The following DYSF variants were observed in gnomAD, a reference collection of about 807,000 sequenced individuals.
DYSF encodes dysferlin.
In DYSF, 212 loss-of-function variants were observed where a neutral mutation model predicts 274.9. The observed-to-expected ratio is 0.77, with a 90% CI of 0.69 to 0.86. The LOEUF (loss-of-function observed/expected upper bound fraction) is 0.86, where lower values mean the gene tolerates loss of function less well. DYSF is among the 40% of genes least tolerant of loss of function. DYSF has a pLI of 0.00. For synonymous variants in DYSF, 1,091 were observed against 1,078.7 expected (o/e 1.01, Z -0.22); for missense variants, 2,666 against 2,783.2 (o/e 0.96, Z 0.95).
At chr2:71,511,283 G>A (rs2086066030) in intron 4 of DYSF, among the ~76,000 whole-genome samples, 1 of 152,262 alleles carries the variant, frequency 6.6e-6, no homozygotes, top group Non-Finnish European at 1.5e-5. Context: ...CCCTCTCAGT[G>A]CTAGCTGCAG....
In DYSF at chr2:71,551,676, C is replaced by A. The variant is rs886042633; in HGVS notation, c.1762C>A (p.Gln588Lys). The change falls in exon 19 of 56, where the codon CAG becomes AAG. Residue 588 changes from glutamine to lysine, a missense_variant. Coordinates refer to ENST00000410020, the MANE Select transcript of DYSF (RefSeq NM_001130987.2). ...GACCAAGCTGGTGGAGCACAGTGAA[C>A]AGAAGGTGGAGGACCTTCCTGCGGA... ...LETKLVEHSE[Q>K]KVEDLPADDI... 1.2e-6 allele frequency: 2 copies of A among 1,611,024 alleles called. No individual in the cohort carries two copies. The highest frequency in any genetic ancestry group is 2.7e-5 in the African/African-American group (2 of 74,896).
At chr2:71,463,362 CA>C (rs991754105), upstream of DYSF, among the ~76,000 whole-genome samples, 14 of 152,256 alleles carry the variant, frequency 9.2e-5, no homozygotes, top group Admixed American at 5.9e-4. Flanking sequence ...TCTGAGCCTG[CA>C]AGCTTCCTGG....
At chr2:71,563,778 T>C (rs908432427) in intron 23 of DYSF, among the ~76,000 whole-genome samples, 2 of 152,230 alleles carry the variant, frequency 1.3e-5, no homozygotes, top group Non-Finnish European at 2.9e-5. Flanking sequence ...GGAGTGTCTC[T>C]TCCCAGAAGG....
chr2:71,509,602 C>T (rs2152725956), intron 4 of DYSF, among the ~76,000 whole-genome samples: 1 of 152,192 alleles, frequency 6.6e-6, no homozygotes, highest in African/African-American at 2.4e-5. Flanking sequence ...TTTCTCCTCT[C>T]CTATTTATTT....
At chr2:71,576,627 T>G (rs1473371453) in intron 30 of DYSF, among the ~76,000 whole-genome samples, 1 of 152,126 alleles carries the variant, frequency 6.6e-6, no homozygotes, top group African/African-American at 2.4e-5. Flanking sequence ...GGTGAAGTGC[T>G]GTGTGAGGGA....
At chr2:71,480,450 A>T (rs1245390897) in intron 1 of DYSF, among the ~76,000 whole-genome samples, 1 of 152,042 alleles carries the variant, frequency 6.6e-6, no homozygotes, top group Admixed American at 6.6e-5. Context: ...GCTACTCAAG[A>T]GCCTGAGGTG....
intron 41 of DYSF, among the ~76,000 whole-genome samples, chr2:71,635,808 C>A (rs1325065810): frequency 6.7e-6 from 1 of 149,916 alleles, no homozygotes; most frequent in Non-Finnish European, 1.5e-5. Context: ...GCTCTGCCTT[C>A]ATGGAGAAGG....
chr2:71,486,511 G>A (rs1475674892), intron 3 of DYSF, among the ~76,000 whole-genome samples: 2 of 152,000 alleles, frequency 1.3e-5, no homozygotes, highest in African/African-American at 2.4e-5. Flanking sequence ...GGGGCATTTG[G>A]CATTTCTGGG....
chr2:71,543,794 T>A (rs1288103853), intron 17 of DYSF, among the ~76,000 whole-genome samples: 1 of 151,730 alleles, frequency 6.6e-6, no homozygotes, highest in Middle Eastern at 3.2e-3. Context: ...GAGGTTGCAG[T>A]GAGCAGAGAT....
At position 71,564,304 on chromosome 2, in the gene DYSF, CTA is replaced by C. The variant is rs761674954; in HGVS notation, c.2565+93_2565+94del. The C allele has an allele frequency of 1.1e-4, 175 of 1,545,710 alleles. 1 individual carries two copies. Among genetic ancestry groups the C allele is most frequent in the Non-Finnish European group, 1.4e-4 (153 of 1,121,082 alleles). On this transcript the variant is annotated intron_variant, in intron 24 of 55. Coordinates refer to ENST00000410020, the MANE Select transcript of DYSF (RefSeq NM_001130987.2). ...TTCTGTTTCCCCTCCTGTTCTTGACCTATCTTAGTTCTTAGGCTGTGGTCTTG... is the reference window on the plus strand; with the variant it reads ...TTCTGTTTCCCCTCCTGTTCTTGACCTCTTAGTTCTTAGGCTGTGGTCTTG...
At position 71,681,100 on chromosome 2, in the gene DYSF, G is replaced by A; in HGVS notation, c.6163G>A (p.Glu2055Lys). ...RDEPNMNPKL[E>K]DPRRPDTSFL... ...TGAGCCCAACATGAACCCTAAGCTTGAGGACCCAAGGTCAGTGCCCAGCCC... is the reference window on the plus strand; with the variant it reads ...TGAGCCCAACATGAACCCTAAGCTTAAGGACCCAAGGTCAGTGCCCAGCCC... Residue 2055 changes from glutamate to lysine, a missense_variant, in exon 54 of 56, where the codon GAG (glutamate) becomes AAG (lysine). Physicochemically the swap from Glu to Lys is moderately conservative, Grantham distance 56. Transcript: ENST00000410020. 1 of 1,614,000 alleles carries A rather than the reference G, an allele frequency of 6.2e-7. No homozygotes were observed. The highest frequency in any genetic ancestry group is 8.5e-7 in the Non-Finnish European group (1 of 1,180,020).
chr2:71,582,106 CAAAAAAAAAAAAAA>C (rs1159294834), intron 30 of DYSF, among the ~76,000 whole-genome samples: 1 of 35,118 alleles, frequency 2.8e-5, no homozygotes, highest in Non-Finnish European at 5.6e-5. Flanking sequence ...GACTCCGTCT[CAAAAAAAAAAAAAA>C]AAAAAAAAAA....
intron 17 of DYSF, among the ~76,000 whole-genome samples, chr2:71,540,104 C>CTT (rs1240221196): frequency 2.0e-4 from 30 of 146,458 alleles, no homozygotes; most frequent in African/African-American, 7.5e-4. Flanking sequence ...AAGATTTCAA[C>CTT]TTTTTTTTTC....
At chr2:71,454,119 G>C (rs1488743318) in intron 1 of DYSF, 2 of 1,602,024 alleles carry the variant, frequency 1.2e-6, no homozygotes, top group East Asian at 2.3e-5. Flanking sequence ...GCCCGGGGTC[G>C]GGGTGGGGTA....
chr2:71,618,677 A>AGGT (rs113297327), intron 40 of DYSF, among the ~76,000 whole-genome samples: 58,532 of 135,678 alleles, frequency 0.43, 12,767 homozygotes, highest in East Asian at 0.51. Flanking sequence ...TGTGTGGTAG[A>AGGT]GGGATGTGAG....
At chr2:71,664,227 G>A in intron 45 of DYSF, 41 bp from the exon 46 acceptor site, 25 of 1,613,066 alleles carry the variant, frequency 1.5e-5, no homozygotes, top group Non-Finnish European at 2.1e-5. Flanking sequence ...TCCCTTGGGT[G>A]CCCCGTGTTG....
chr2:71,625,939 C>T (rs1477969713), intron 41 of DYSF, among the ~76,000 whole-genome samples: 1 of 151,874 alleles, frequency 6.6e-6, no homozygotes, highest in African/African-American at 2.4e-5. Flanking sequence ...GGTACATTTT[C>T]TGACTGGTTT....
chr2:71,674,184 T>A lies in DYSF; in HGVS notation c.5785-13T>A. On this transcript the variant is annotated splice_polypyrimidine_tract_variant and intron_variant, in intron 51 of 55. Transcript: ENST00000410020. The stretch of plus-strand genomic sequence containing the variant: ...GCTTCCTTGCATCCTTCTCTGTTCC[T>A]CTTCCGGGTCAGGATGCCTTCTGGA... 1 of 1,613,332 alleles carries A rather than the reference T, an allele frequency of 6.2e-7. No homozygotes were observed. Among genetic ancestry groups the A allele is most frequent in the South Asian group, 1.1e-5 (1 of 91,060 alleles).
chr2:71,466,691 C>A, upstream of DYSF: 1 of 1,378,140 alleles, frequency 7.3e-7, no homozygotes, highest in Admixed American at 3.1e-5. Flanking sequence ...CTCTCCCAGG[C>A]ATTGGTCACT....
Sources: allele counts gnomAD v4.1 joint callset (sites outside exome capture counted in the v4.1 genomes callset), GRCh38; gene constraint gnomAD v4.1.1; transcripts MANE v1.5; gene names NCBI Gene and HGNC (gene_info 2026-07-23, HGNC 2026-07-21).